COL24A1: variants seen among roughly 807,000 people sequenced by gnomAD.
COL24A1 encodes the protein collagen alpha-1(XXIV) chain.
In COL24A1, 224 loss-of-function variants were observed where a neutral mutation model predicts 253.9. The ratio of observed to expected loss-of-function variants is 0.88; its 90% CI spans 0.79 to 0.99. The LOEUF is 0.99. Ranked by LOEUF, COL24A1 falls within the 50% of genes least tolerant of loss-of-function variation. COL24A1 has a pLI of 0.00. For missense variants in COL24A1, 2,131 were observed against 2,068.5 expected (o/e 1.03, Z -0.59); for synonymous variants, 685 against 673.7 (o/e 1.02, Z -0.26).
At chr1:85,775,043 T>G (rs904067858) in intron 53 of COL24A1, among the ~76,000 whole-genome samples, 1 of 152,256 alleles carries the variant, frequency 6.6e-6, no homozygotes, top group Non-Finnish European at 1.5e-5. Flanking sequence ...CTGCTTTAAA[T>G]GTATCCCAGA....
intron 24 of COL24A1, among the ~76,000 whole-genome samples, chr1:85,937,746 GTACCAT>G (rs2103144146): frequency 6.8e-6 from 1 of 147,490 alleles, no homozygotes; most frequent in East Asian, 2.1e-4. Context: ...CCACAACATG[GTACCAT>G]TCTTTGAGAA....
At chr1:85,806,336 G>C (rs994553128) in intron 47 of COL24A1, among the ~76,000 whole-genome samples, 2 of 152,080 alleles carry the variant, frequency 1.3e-5, no homozygotes, top group African/African-American at 4.8e-5. Flanking sequence ...CTACATATAA[G>C]AACATACTAC....
At chr1:86,114,662 A>T (rs1426260460) in intron 4 of COL24A1, among the ~76,000 whole-genome samples, 1 of 152,148 alleles carries the variant, frequency 6.6e-6, no homozygotes, top group African/African-American at 2.4e-5. Flanking sequence ...TTTTAGAGTA[A>T]TTTTTCTTTA....
In COL24A1 at chr1:85,729,554, T is replaced by A. The variant is rs1392562823; in HGVS notation, c.*992A>T. 6.6e-6 allele frequency: 1 copy of A among 152,584 alleles called. No individual in the cohort carries two copies. The highest frequency in any genetic ancestry group is 1.9e-4 in the East Asian group (1 of 5,180). 9.5% of individuals were successfully genotyped at this position (152,584 alleles called of 1,614,324 possible). A position where few individuals can be genotyped will look rare whatever the true frequency, so the allele number is the denominator to read the frequency against. The stretch of plus-strand genomic sequence containing the variant: ...ATATAATTTCTACAAAGCAGAAATA[T>A]AAAGGTTTTATAATTTAAAACAGCA... On this transcript the variant is annotated 3_prime_UTR_variant, in exon 60 of 60. Transcript: ENST00000370571.
intron 10 of COL24A1, among the ~76,000 whole-genome samples, chr1:86,055,069 C>T (rs1700570721): frequency 6.6e-6 from 1 of 152,122 alleles, no homozygotes; most frequent in Non-Finnish European, 1.5e-5. Context: ...CATGTTCTCA[C>T]TTATAAATGG....
At chr1:85,744,615 A>T in intron 57 of COL24A1, 51 bp downstream of exon 57, 1 of 1,451,478 alleles carries the variant, frequency 6.9e-7, no homozygotes, top group Non-Finnish European at 9.5e-7. Context: ...AAACACACTG[A>T]AATGATGAAA....
rs532396696 is a variant in COL24A1 at position 85,948,390 on chromosome 1, A to G, written c.2562+12859T>C. On this transcript the variant is annotated intron_variant, in intron 24 of 59. Transcript: ENST00000370571. ...ATACAAAAAATTAGCCGGGCGTGGT[A>G]GCGGGCGCCTGTAGTCCCAGCTACT... is the stretch of plus-strand genomic sequence containing the variant. Among the ~76,000 whole-genome samples the G allele has an allele frequency of 6.0e-3, 907 of 150,858 alleles. 6 individuals carry two copies. The highest frequency in any genetic ancestry group is 0.02 in the African/African-American group (810 of 41,196).
chr1:85,985,646 C>T (rs1403339688), intron 20 of COL24A1, among the ~76,000 whole-genome samples: 2 of 151,712 alleles, frequency 1.3e-5, no homozygotes. Flanking sequence ...GGGTGCCTAA[C>T]TACAAGATTG....
chr1:86,144,023 A>G (rs2102405305), intron 2 of COL24A1, among the ~76,000 whole-genome samples: 1 of 152,232 alleles, frequency 6.6e-6, no homozygotes, highest in Non-Finnish European at 1.5e-5. Context: ...AATTTCTTTT[A>G]GGAAAAAAGT....
intron 19 of COL24A1, among the ~76,000 whole-genome samples, chr1:86,006,851 T>A (rs1696009243): frequency 6.6e-6 from 1 of 151,900 alleles, no homozygotes; most frequent in Non-Finnish European, 1.5e-5. Context: ...AAGGAAGATA[T>A]ACAGATGGTA....
chr1:85,828,939 G>A (rs546125551), intron 43 of COL24A1, among the ~76,000 whole-genome samples: 4 of 149,404 alleles, frequency 2.7e-5, no homozygotes, highest in Non-Finnish European at 4.5e-5. Context: ...AGTTAATATT[G>A]TTATGTGTGA....
At chr1:85,827,802 G>C (rs1388786491) in intron 43 of COL24A1, among the ~76,000 whole-genome samples, 2 of 152,014 alleles carry the variant, frequency 1.3e-5, no homozygotes, top group African/African-American at 2.4e-5. Context: ...GTGTCTGTTT[G>C]ATTCTTCTCT....
intron 43 of COL24A1, among the ~76,000 whole-genome samples, chr1:85,835,775 G>A (rs1675933856): frequency 6.6e-6 from 1 of 152,138 alleles, no homozygotes; most frequent in African/African-American, 2.4e-5. Context: ...TGAGTATGGG[G>A]CTTCCTTTTG....
intron 19 of COL24A1, among the ~76,000 whole-genome samples, chr1:85,993,562 G>A (rs1694499652): frequency 6.6e-6 from 1 of 151,698 alleles, no homozygotes; most frequent in African/African-American, 2.4e-5. Context: ...AAGACAAGAG[G>A]AACAGAAATA....
At chr1:85,923,639 C>T (rs572639405) in intron 24 of COL24A1, among the ~76,000 whole-genome samples, 13 of 152,248 alleles carry the variant, frequency 8.5e-5, no homozygotes, top group East Asian at 3.9e-4. Flanking sequence ...AAAGACACAA[C>T]GTACCGGAAT....
At chr1:85,782,402 T>TA (rs1347928547) in intron 51 of COL24A1, among the ~76,000 whole-genome samples, 1 of 152,234 alleles carries the variant, frequency 6.6e-6, no homozygotes, top group Non-Finnish European at 1.5e-5. Context: ...TTGCATTTTT[T>TA]AAAATTATAC....
At chr1:85,773,639 A>G (rs1264294276) in intron 53 of COL24A1, among the ~76,000 whole-genome samples, 3 of 135,520 alleles carry the variant, frequency 2.2e-5, no homozygotes, top group Admixed American at 1.6e-4. Flanking sequence ...GCTATTGTGA[A>G]TGGGAGTTCA....
rs559178774 is a variant in COL24A1 at position 85,732,359 on chromosome 1, A to G, written c.4999-1667T>C. Among the ~76,000 whole-genome samples, 168 of 152,048 alleles carry G rather than the reference A, an allele frequency of 1.1e-3. 1 individual carries two copies. The highest frequency in any genetic ancestry group is 3.9e-3 in the African/African-American group (161 of 41,468). On this transcript the variant is annotated intron_variant, in intron 59 of 59. Coordinates refer to ENST00000370571, the MANE Select transcript of COL24A1 (RefSeq NM_152890.7). ...ATTCTCCTGCCTCAGCCTCCTGAGTAGCTGGGACTACAGGTGTCTGCCACC... is the reference window on the plus strand; with the variant it reads ...ATTCTCCTGCCTCAGCCTCCTGAGTGGCTGGGACTACAGGTGTCTGCCACC...
intron 59 of COL24A1, among the ~76,000 whole-genome samples, chr1:85,732,083 T>C (rs1003666991): frequency 1.3e-5 from 2 of 152,290 alleles, no homozygotes; most frequent in South Asian, 4.2e-4. Flanking sequence ...ATTCTGGTAC[T>C]CTCACTTTCC....
Sources: gnomAD v4.1 joint callset for allele counts (sites outside exome capture counted in the v4.1 genomes callset) on GRCh38, gnomAD v4.1.1 for gene constraint, MANE v1.5 for transcripts, NCBI Gene and HGNC (gene_info 2026-07-23, HGNC 2026-07-21) for gene names.